The following CPZ variants were observed in gnomAD, a reference collection of about 807,000 sequenced individuals.
CPZ encodes carboxypeptidase Z.
Under a neutral mutation model 61.8 loss-of-function variants are expected in CPZ, and 103 were observed. The ratio of observed to expected loss-of-function variants is 1.67; its 90% confidence interval spans 1.42 to 1.96. The LOEUF is 1.96. Ranked by LOEUF, CPZ falls within the 30% of genes most tolerant of loss-of-function variation. The pLI, the probability that CPZ is intolerant of heterozygous loss-of-function variation, is 0.00. For synonymous variants in CPZ, 551 were observed against 373.7 expected (o/e 1.47, Z -5.47); for missense variants, 1,461 against 914.9 (o/e 1.60, Z -7.70).
chr4:8,593,378 G>C (rs1713941917), intron 1 of CPZ, among the ~76,000 whole-genome samples: 1 of 152,212 alleles, frequency 6.6e-6, no homozygotes, highest in Admixed American at 6.5e-5. Flanking sequence ...TGGACAGCAA[G>C]TCTCCGGAAG....
chr4:8,592,938 C>T lies in CPZ; in HGVS notation c.88+17C>T. ...ACCCCGCCGGTAAGGCCGTCCCCTGCCCCCACCCTCCACCCTCCACCCTGC... is the reference window on the plus strand; with the variant it reads ...ACCCCGCCGGTAAGGCCGTCCCCTGTCCCCACCCTCCACCCTCCACCCTGC... On this transcript the variant is annotated intron_variant, in intron 1 of 10. Transcript: ENST00000360986. The T allele has an allele frequency of 4.6e-6, 7 of 1,512,504 alleles. No individual in the cohort carries two copies. The highest frequency in any genetic ancestry group is 6.2e-6 in the Non-Finnish European group (7 of 1,125,760). The allele number at this position is 1,512,504 out of a possible 1,614,324, so 93.7% of individuals were successfully genotyped here.
chr4:8,598,502 C>A (rs1331787833), intron 1 of CPZ, among the ~76,000 whole-genome samples: 1 of 152,202 alleles, frequency 6.6e-6, no homozygotes, highest in Non-Finnish European at 1.5e-5. Flanking sequence ...CCTGCTTGCC[C>A]CCTTCTCCCT....
chr4:8,606,222 C>G, intron 5 of CPZ, 37 bp downstream of exon 5: 1 of 1,568,654 alleles, frequency 6.4e-7, no homozygotes, highest in East Asian at 2.3e-5. Flanking sequence ...TGGGCCACCG[C>G]CCGAACCACC....
In CPZ at chr4:8,603,960, C is replaced by A. The variant is rs79175986; in HGVS notation, c.497-16C>A. ...GGGGGCCTGACACTGACTGAGCCCC[C>A]CCACTGCTCCCCCAGGAGGCCTGGA... On this transcript the variant is annotated splice_polypyrimidine_tract_variant and intron_variant, in intron 3 of 10. Transcript: ENST00000360986. 3.0e-5 allele frequency: 49 copies of A among 1,610,352 alleles called. No homozygotes were observed. The Admixed American group carries it at 5.2e-4, about 17-fold the overall frequency.
intron 7 of CPZ, among the ~76,000 whole-genome samples, chr4:8,610,961 G>A (rs559660008): frequency 2.2e-4 from 34 of 152,256 alleles, no homozygotes; most frequent in African/African-American, 7.7e-4. Flanking sequence ...ACTCTGGCCT[G>A]GAGCAATCAC....
In CPZ at chr4:8,607,398, G is replaced by T. The variant is rs543182051; in HGVS notation, c.1200G>T (p.Lys400Asn). Reference sequence around the variant, plus strand: ...TCTCCAAGCACCCCCAGGAGGAGAAGATGTTTTCTCCCACGCCCGACGAGA... The same window carrying T: ...TCTCCAAGCACCCCCAGGAGGAGAATATGTTTTCTCCCACGCCCGACGAGA... ...FDFSKHPQEE[K>N]MFSPTPDEKM... Residue 400 changes from lysine (K) to asparagine (N), a missense_variant, in exon 7 of 11, where the codon AAG becomes AAT. Transcript: ENST00000360986. 1.7e-5 allele frequency: 28 copies of T among 1,614,094 alleles called. No homozygotes were observed. In the South Asian group the frequency reaches 2.7e-4, roughly 16 times the overall value.
intron 9 of CPZ, among the ~76,000 whole-genome samples, chr4:8,617,510 T>C (rs1462813256): frequency 2.6e-5 from 4 of 152,160 alleles, no homozygotes; most frequent in East Asian, 1.9e-4. Flanking sequence ...GACATAAAGA[T>C]GAATATATAG....
At position 8,607,416 on chromosome 4, in the gene CPZ, C is replaced by G. The variant is rs185645651; in HGVS notation, c.1218C>G (p.Pro406=). 1 of 1,613,800 alleles carries G rather than the reference C, an allele frequency of 6.2e-7. No individual in the cohort carries two copies. The highest frequency in any genetic ancestry group is 8.5e-7 in the Non-Finnish European group (1 of 1,179,908). ...AGGAGAAGATGTTTTCTCCCACGCC[C>G]GACGAGAAGGTGAGAGGGCTGTCGG... ...PQEEKMFSPT[P]DEKMFKLLSR... The change falls in exon 7 of 11, where the codon CCC becomes CCG. Residue 406 remains proline, a synonymous_variant. Transcript: ENST00000360986.
At chr4:8,612,205 G>GGGGGGGGGGGGGGGGGC in intron 8 of CPZ, 43 bp downstream of exon 8, 4 of 202,854 alleles carry the variant, frequency 2.0e-5, no homozygotes, top group Non-Finnish European at 2.9e-5. Flanking sequence ...GGTGGGGGGT[G>GGGGGGGGGGGGGGGGGC]CAGGGGCTGG....
At chr4:8,615,960 G>C (rs1029961824) in intron 9 of CPZ, among the ~76,000 whole-genome samples, 18 of 152,226 alleles carry the variant, frequency 1.2e-4, no homozygotes, top group African/African-American at 4.3e-4. Flanking sequence ...CCTGTGGCGA[G>C]TCCCATTCTT....
chr4:8,609,221 T>TTC (rs1553877686), intron 7 of CPZ, among the ~76,000 whole-genome samples: 1 of 14,890 alleles, frequency 6.7e-5, no homozygotes, highest in Non-Finnish European at 1.6e-4. Context: ...CTCATTCACT[T>TTC]ACTCACTCAT....
At chr4:8,616,611 C>T (rs1163607162) in intron 9 of CPZ, among the ~76,000 whole-genome samples, 3 of 152,042 alleles carry the variant, frequency 2.0e-5, no homozygotes, top group Non-Finnish European at 2.9e-5. Context: ...GGGAAGGAAT[C>T]GGCCCGGTGA....
intron 9 of CPZ, among the ~76,000 whole-genome samples, chr4:8,614,841 G>A (rs1339145505): frequency 1.3e-5 from 2 of 152,144 alleles, no homozygotes; most frequent in Non-Finnish European, 2.9e-5. Context: ...GGGCTTCCTG[G>A]AGGAGGCAGC....
At chr4:8,607,557 C>CACCT (rs918081095) in intron 7 of CPZ, 132 bp downstream of exon 7, 3 of 1,014,604 alleles carry the variant, frequency 3.0e-6, no homozygotes, top group Admixed American at 5.5e-5. Context: ...GGGTCAGCAC[C>CACCT]ACCTGCTCCA....
At chr4:8,611,485 G>A (rs1265924406) in intron 7 of CPZ, among the ~76,000 whole-genome samples, 1 of 152,200 alleles carries the variant, frequency 6.6e-6, no homozygotes, top group Non-Finnish European at 1.5e-5. Context: ...AAGCTGGAGG[G>A]TGGGGTAGTC....
At chr4:8,594,790 T>G (rs1452024290) in intron 1 of CPZ, among the ~76,000 whole-genome samples, 2 of 117,040 alleles carry the variant, frequency 1.7e-5, no homozygotes, top group African/African-American at 3.3e-5. Context: ...TTTTTTTTTT[T>G]GAGATGGAGT....
chr4:8,614,439 G>T lies in CPZ; in HGVS notation c.1444G>T (p.Glu482Ter), dbSNP rs771666220. The change falls in exon 9 of 11, where the codon GAG (glutamate) becomes TAG (stop). Residue 482 changes from glutamate to a stop codon, truncating the protein, a stop_gained. Coordinates refer to ENST00000360986, the MANE Select transcript of CPZ (RefSeq NM_001014447.3). LOFTEE classifies it high-confidence loss of function. ...ELGCVKFPPE[E>*]ALYILWQHNK... ...GGGCTGTGTGAAGTTCCCCCCCGAG[G>T]AGGCCCTGTACATACTCTGGCAGCA... is the stretch of plus-strand genomic sequence containing the variant. 1 of 1,614,076 alleles carries T rather than the reference G, an allele frequency of 6.2e-7. No individual in the cohort carries two copies. The highest frequency in any genetic ancestry group is 1.1e-5 in the South Asian group (1 of 91,086).
intron 3 of CPZ, chr4:8,603,171 ACT>A (rs1298478264): frequency 6.6e-6 from 1 of 151,864 alleles, no homozygotes; most frequent in Non-Finnish European, 1.5e-5. Flanking sequence ...GAGCACATTA[ACT>A]CTCTGTGGAC....
At chr4:8,599,362 C>T in intron 1 of CPZ, 91 bp from the exon 2 acceptor site, 2 of 1,449,224 alleles carry the variant, frequency 1.4e-6, no homozygotes, top group South Asian at 2.9e-5. Context: ...TGGGCTGGTC[C>T]CTACCTGCAC....
Sources: gnomAD v4.1 joint callset for allele counts (sites outside exome capture counted in the v4.1 genomes callset) on GRCh38, gnomAD v4.1.1 for gene constraint, MANE v1.5 for transcripts, NCBI Gene and HGNC (gene_info 2026-07-23, HGNC 2026-07-21) for gene names.